MBD5: variants seen among roughly 807,000 people sequenced by gnomAD.
The protein encoded by MBD5 is methyl-CpG binding domain protein 5.
A neutral mutation model predicts 117.3 loss-of-function variants in MBD5; 13 were observed. That is an observed-to-expected ratio of 0.11 (90% CI 0.07 to 0.18). The LOEUF (loss-of-function observed/expected upper bound fraction) is 0.18. Ranked by LOEUF, MBD5 falls within the 10% of genes least tolerant of loss-of-function variation. The pLI, the probability that MBD5 is intolerant of heterozygous loss-of-function variation, is 1.00. For synonymous variants in MBD5, 727 were observed against 766.4 expected, an observed-to-expected ratio of 0.95 and a Z score of 0.85; for missense variants, 1,879 against 2,093.8, an observed-to-expected ratio of 0.90 and a Z score of 2.00.
intron 4 of MBD5, among the ~76,000 whole-genome samples, chr2:148,360,784 A>G (rs193110415): frequency 5.7e-4 from 87 of 152,296 alleles, no homozygotes; most frequent in Non-Finnish European, 9.1e-4. Context: ...GTGACAGTCT[A>G]TATGATCATT....
intron 3 of MBD5, among the ~76,000 whole-genome samples, chr2:148,326,662 T>C (rs10183787): frequency 0.27 from 40,004 of 150,270 alleles, 5,175 homozygotes; most frequent in Admixed American, 0.3. Context: ...TTGCAACCCC[T>C]GCCTTTTTTT....
chr2:148,487,953 T>C (rs924060018), intron 10 of MBD5, among the ~76,000 whole-genome samples: 1 of 152,144 alleles, frequency 6.6e-6, no homozygotes. Context: ...GAATGCAAAC[T>C]TTAAAATATG....
rs1682352698 is a variant in MBD5, at chr2:148,516,838, A to T, written c.*3897A>T. The T allele has an allele frequency of 6.6e-6, 1 of 152,230 alleles. No homozygotes were observed. The highest frequency in any genetic ancestry group is 2.1e-4 in the South Asian group (1 of 4,826). The allele number at this position is 152,230 out of a possible 1,614,324, so 9.4% of individuals were successfully genotyped here. A position where few individuals can be genotyped will look rare whatever the true frequency, so the allele number is the denominator to read the frequency against. ...ATAAACCGGAAAAATGGTTGATTTA[A>T]TAATTTGTTATGTAAATACAAAGTT... On this transcript the variant is annotated 3_prime_UTR_variant, in exon 14 of 14. Transcript: ENST00000642680.
At chr2:148,186,348 A>C (rs535329570) in intron 2 of MBD5, among the ~76,000 whole-genome samples, 3 of 152,362 alleles carry the variant, frequency 2.0e-5, no homozygotes, top group East Asian at 1.9e-4. Context: ...TAAGTCCATT[A>C]AACCACTTTT....
intron 1 of MBD5, among the ~76,000 whole-genome samples, chr2:148,023,765 T>TC: frequency 6.6e-6 from 1 of 152,010 alleles, no homozygotes; most frequent in Non-Finnish European, 1.5e-5. Flanking sequence ...TTATTTTGTT[T>TC]CTTTTTTTTT....
At chr2:148,427,722 T>C (rs1374600547) in intron 4 of MBD5, among the ~76,000 whole-genome samples, 1 of 151,886 alleles carries the variant, frequency 6.6e-6, no homozygotes, top group Non-Finnish European at 1.5e-5. Flanking sequence ...CACACCAACA[T>C]GGCACATGTA....
At chr2:148,327,071 T>G (rs1702472632) in intron 3 of MBD5, among the ~76,000 whole-genome samples, 2 of 152,042 alleles carry the variant, frequency 1.3e-5, no homozygotes, top group African/African-American at 4.8e-5. Context: ...GTCTGTAAAG[T>G]ATTTTATTTC....
At chr2:148,389,275 T>C (rs867668652) in intron 4 of MBD5, among the ~76,000 whole-genome samples, 9 of 84,674 alleles carry the variant, frequency 1.1e-4, no homozygotes, top group African/African-American at 4.3e-4. Context: ...TATATATATA[T>C]ATATATATAT....
chr2:148,132,218 G>A (rs991797124), intron 1 of MBD5, among the ~76,000 whole-genome samples: 4 of 151,830 alleles, frequency 2.6e-5, no homozygotes, highest in African/African-American at 9.7e-5. Context: ...ATTACAAAAA[G>A]AGAGTTTTAT....
intron 3 of MBD5, among the ~76,000 whole-genome samples, chr2:148,265,227 CAAGTA>C (rs1700829182): frequency 6.6e-6 from 1 of 152,012 alleles, no homozygotes; most frequent in African/African-American, 2.4e-5. Flanking sequence ...AAGAAAAACA[CAAGTA>C]AAGGAAAAGA....
chr2:148,171,724 A>C (rs1368235046), intron 1 of MBD5, among the ~76,000 whole-genome samples: 1 of 152,220 alleles, frequency 6.6e-6, no homozygotes, highest in Non-Finnish European at 1.5e-5. Flanking sequence ...AAAACCCTAC[A>C]GATTCTACCA....
In MBD5 at chr2:148,490,090, C is replaced by T. The variant is rs769914602; in HGVS notation, c.4458C>T (p.Asn1486=). Residue 1486 remains asparagine (N), a synonymous_variant, in exon 11 of 14, where the codon AAC becomes AAT. Transcript: ENST00000642680. ...EQHPILLPPR[N]CPGDKILEEN... ...ACCCAATACTGTTACCACCAAGAAA[C>T]TGTCCAGGGGATAAAATTCTAGAGG... The T allele has an allele frequency of 3.1e-6, 5 of 1,614,084 alleles. No individual in the cohort carries two copies. The highest frequency in any genetic ancestry group is 4.2e-6 in the Non-Finnish European group (5 of 1,180,008).
At chr2:148,442,381 G>A (rs569477665) in intron 4 of MBD5, among the ~76,000 whole-genome samples, 2 of 151,344 alleles carry the variant, frequency 1.3e-5, no homozygotes, top group African/African-American at 4.9e-5. Context: ...GAGCTAGTGA[G>A]CCCAAAACAA....
At chr2:148,198,791 C>T (rs1027430850) in intron 2 of MBD5, among the ~76,000 whole-genome samples, 1 of 151,892 alleles carries the variant, frequency 6.6e-6, no homozygotes, top group Non-Finnish European at 1.5e-5. Context: ...AAGAAAGCAT[C>T]GTGCTATGAG....
intron 4 of MBD5, among the ~76,000 whole-genome samples, chr2:148,444,182 T>G (rs1706419621): frequency 6.6e-6 from 1 of 151,474 alleles, no homozygotes; most frequent in Non-Finnish European, 1.5e-5. Flanking sequence ...GCCATCTTCT[T>G]CTCATAAGTT....
intron 2 of MBD5, among the ~76,000 whole-genome samples, chr2:148,226,634 G>A (rs1311600571): frequency 6.6e-6 from 1 of 152,128 alleles, no homozygotes; most frequent in African/African-American, 2.4e-5. Context: ...ACCCAGTAAT[G>A]GGATGGCTGG....
At chr2:148,161,767 G>A (rs1437830483) in intron 1 of MBD5, among the ~76,000 whole-genome samples, 1 of 152,092 alleles carries the variant, frequency 6.6e-6, no homozygotes, top group Non-Finnish European at 1.5e-5. Context: ...ATTTTTCTAT[G>A]TCTTCTAGTA....
At chr2:148,171,692 G>A (rs893735192) in intron 1 of MBD5, among the ~76,000 whole-genome samples, 20 of 152,106 alleles carry the variant, frequency 1.3e-4, no homozygotes, top group African/African-American at 4.3e-4. Context: ...GCTGTTTGTT[G>A]ATAACATGAT....
At chr2:148,080,770 A>G (rs1159080175) in intron 1 of MBD5, among the ~76,000 whole-genome samples, 2 of 152,178 alleles carry the variant, frequency 1.3e-5, no homozygotes, top group African/African-American at 4.8e-5. Flanking sequence ...ATTATATATT[A>G]TGATAGCAGC....
Sources: allele counts gnomAD v4.1 joint callset (sites outside exome capture counted in the v4.1 genomes callset), GRCh38; gene constraint gnomAD v4.1.1; transcripts MANE v1.5; gene names NCBI Gene and HGNC (gene_info 2026-07-23, HGNC 2026-07-21).